BASP1: variants seen among roughly 807,000 people sequenced by gnomAD.
BASP1 encodes the protein brain acid soluble protein 1.
Under a neutral mutation model 2.2 loss-of-function variants are expected in BASP1, and 1 was observed. That is an observed-to-expected ratio of 0.46 (90% CI 0.16 to 2.17). The LOEUF (loss-of-function observed/expected upper bound fraction) is 2.17, where lower values mean the gene tolerates loss of function less well. BASP1 is among the 30% of genes most tolerant of loss of function. The pLI is 0.27. For missense variants in BASP1, 352 were observed against 327.2 expected, an observed-to-expected ratio of 1.08 and a Z score of -0.58; for synonymous variants, 187 against 154.2, an observed-to-expected ratio of 1.21 and a Z score of -1.58.
Position 17,275,944 on chromosome 5 carries a change from CCTCT to C in BASP1, c.*67_*70del, listed in dbSNP as rs59080603. ...AAAACAATACCACTTAAAACAATCT[CCTCT>C]CTCTCTCTCTCTCTCTCTCTCTATC... On this transcript the variant is annotated 3_prime_UTR_variant, in exon 2 of 2. Coordinates refer to ENST00000322611, the MANE Select transcript of BASP1 (RefSeq NM_006317.5). This position sits in a 1 kb window ranked among gnomAD's most constrained non-coding sequence, Gnocchi z 5.3. 134,568 of 947,682 alleles carry C rather than the reference CCTCT, an allele frequency of 0.14. 648 individuals carry two copies. Among genetic ancestry groups the C allele is most frequent in the African/African-American group, 0.18 (10,541 of 59,138 alleles). 58.7% of individuals were successfully genotyped at this position (947,682 alleles called of 1,614,324 possible).
At chr5:17,230,333 G>A (rs62348041) in intron 1 of BASP1, among the ~76,000 whole-genome samples, 5,144 of 152,210 alleles carry the variant, frequency 0.034, 129 homozygotes, top group Non-Finnish European at 0.051. Context: ...AGTGGTGGGG[G>A]TTTTGACAGA....
chr5:17,268,288 T>A (rs2126519190), intron 1 of BASP1, among the ~76,000 whole-genome samples: 1 of 152,338 alleles, frequency 6.6e-6, no homozygotes, highest in South Asian at 2.1e-4. Flanking sequence ...TTTCATAATT[T>A]ATTTTTTTCT....
chr5:17,248,317 GA>G (rs1380414737), intron 1 of BASP1, among the ~76,000 whole-genome samples: 1 of 152,154 alleles, frequency 6.6e-6, no homozygotes, highest in Non-Finnish European at 1.5e-5. Context: ...CATTTGATGT[GA>G]AAACAATTGT....
At chr5:17,229,011 C>T (rs1281490279) in intron 1 of BASP1, among the ~76,000 whole-genome samples, 1 of 151,744 alleles carries the variant, frequency 6.6e-6, no homozygotes, top group Non-Finnish European at 1.5e-5. Context: ...AGATGTATAC[C>T]TATTAAAAAA....
chr5:17,274,910 G>A lies in BASP1; in HGVS notation c.-9-298G>A, dbSNP rs146251909. Among the ~76,000 whole-genome samples, 1,083 of 152,222 alleles carry A rather than the reference G, an allele frequency of 7.1e-3. 8 individuals carry two copies. Among genetic ancestry groups the A allele is most frequent in the Non-Finnish European group, 0.011 (769 of 68,002 alleles). Reference sequence around the variant, plus strand: ...TTGGGCGTGGTGGGTACACCTGTGGGCCCAGCTGTGTGGGAGGCTGAGGCG... The same window carrying A: ...TTGGGCGTGGTGGGTACACCTGTGGACCCAGCTGTGTGGGAGGCTGAGGCG... On this transcript the variant is annotated intron_variant, in intron 1 of 1. Coordinates refer to ENST00000322611, the MANE Select transcript of BASP1 (RefSeq NM_006317.5).
In BASP1 at chr5:17,275,416, A is replaced by T; in HGVS notation, c.200A>T (p.Glu67Val). 1 of 1,554,712 alleles carries T rather than the reference A, an allele frequency of 6.4e-7. No homozygotes were observed. Among genetic ancestry groups the T allele is most frequent in the Non-Finnish European group, 8.7e-7 (1 of 1,152,458 alleles). The change falls in exon 2 of 2, where the codon GAG (glutamate) becomes GTG (valine). Residue 67 changes from glutamate (E) to valine (V), a missense_variant. Coordinates refer to ENST00000322611, the MANE Select transcript of BASP1 (RefSeq NM_006317.5). The surrounding 1 kb of genome is among the most constrained non-coding windows in gnomAD (Gnocchi z 5.3). ...KPDQDAEGKA[E>V]EKEGEKDAAA... is the part of the protein sequence containing the mutation. ...GACCAGGACGCCGAGGGCAAGGCCG[A>T]GGAGAAGGAGGGCGAGAAGGACGCG...
At chr5:17,217,099 A>AGAGAGAGAGG (rs1561160816), upstream of BASP1, 1 of 132,608 alleles carries the variant, frequency 7.5e-6, no homozygotes, top group Non-Finnish European at 1.6e-5. Flanking sequence ...AGAGAGAGTG[A>AGAGAGAGAGG]GTGAGAGAGT....
intron 1 of BASP1, among the ~76,000 whole-genome samples, chr5:17,254,615 G>C (rs550867793): frequency 6.6e-6 from 1 of 152,276 alleles, no homozygotes; most frequent in East Asian, 1.9e-4. Flanking sequence ...AGTGCATCAT[G>C]GTGCTCAATA....
intron 1 of BASP1, among the ~76,000 whole-genome samples, chr5:17,258,165 A>C (rs753481288): frequency 8.5e-4 from 130 of 152,100 alleles, no homozygotes; most frequent in Non-Finnish European, 1.7e-3. Context: ...AAGGCAGTAT[A>C]TCTCTATAGC....
intron 1 of BASP1, among the ~76,000 whole-genome samples, chr5:17,242,994 G>A (rs1476684378): frequency 6.6e-6 from 1 of 151,986 alleles, no homozygotes; most frequent in Non-Finnish European, 1.5e-5. Context: ...GTAAGTCTGT[G>A]CCTTTCTGAA....
intron 1 of BASP1, among the ~76,000 whole-genome samples, chr5:17,255,014 C>T (rs922588157): frequency 4.6e-5 from 7 of 152,160 alleles, no homozygotes; most frequent in East Asian, 3.9e-4. Context: ...TTCGAACTGA[C>T]GAAGGTGTAG....
At chr5:17,231,145 G>A (rs377071930) in intron 1 of BASP1, among the ~76,000 whole-genome samples, 1 of 152,270 alleles carries the variant, frequency 6.6e-6, no homozygotes, top group African/African-American at 2.4e-5. Context: ...GTAAGTTATT[G>A]TAGAATTTAA....
At chr5:17,270,828 T>C (rs1049466698) in intron 1 of BASP1, among the ~76,000 whole-genome samples, 1 of 152,162 alleles carries the variant, frequency 6.6e-6, no homozygotes, top group Non-Finnish European at 1.5e-5. Flanking sequence ...TCCCATTAAA[T>C]TGACATTTAA....
chr5:17,262,599 T>A (rs1276801329), intron 1 of BASP1, among the ~76,000 whole-genome samples: 1 of 152,220 alleles, frequency 6.6e-6, no homozygotes. Flanking sequence ...TATGAATAAG[T>A]ATTTTTTATA....
intron 1 of BASP1, among the ~76,000 whole-genome samples, chr5:17,241,753 T>A (rs1404953000): frequency 6.6e-6 from 1 of 152,146 alleles, no homozygotes; most frequent in East Asian, 1.9e-4. Flanking sequence ...TTCTCTCCTG[T>A]CCCTTCAACT....
intron 1 of BASP1, among the ~76,000 whole-genome samples, chr5:17,228,064 G>T (rs1015602500): frequency 1.2e-4 from 19 of 152,338 alleles, no homozygotes; most frequent in Admixed American, 1.2e-3. Context: ...ACTCACAGCT[G>T]CATGTTACTA....
At chr5:17,266,472 A>G (rs541842150) in intron 1 of BASP1, among the ~76,000 whole-genome samples, 1 of 152,110 alleles carries the variant, frequency 6.6e-6, no homozygotes, top group African/African-American at 2.4e-5. Flanking sequence ...GTTTGAATTC[A>G]CCATGGCCTC....
At chr5:17,246,833 C>T (rs1461886506) in intron 1 of BASP1, among the ~76,000 whole-genome samples, 4 of 152,148 alleles carry the variant, frequency 2.6e-5, no homozygotes, top group Admixed American at 6.5e-5. Flanking sequence ...GGGTTCTGAA[C>T]GCTTTGGCAG....
intron 1 of BASP1, among the ~76,000 whole-genome samples, chr5:17,228,177 A>G (rs943919728): frequency 4.6e-5 from 7 of 152,210 alleles, no homozygotes; most frequent in African/African-American, 1.2e-4. Flanking sequence ...TAAGTGGCTT[A>G]TTCCATTCAC....
Sources: gnomAD v4.1 joint callset for allele counts (sites outside exome capture counted in the v4.1 genomes callset) on GRCh38, gnomAD v4.1.1 for gene constraint, Gnocchi (gnomAD v3.1) non-coding constraint, MANE v1.5 for transcripts, NCBI Gene and HGNC (gene_info 2026-07-23, HGNC 2026-07-21) for gene names.